The following SCHIP1 variants were observed in gnomAD, a reference collection of about 807,000 sequenced individuals.
SCHIP1 encodes the protein schwannomin-interacting protein 1.
In SCHIP1, 8 loss-of-function variants were observed where a neutral mutation model predicts 29.7. The observed-to-expected ratio is 0.27, with a 90% CI of 0.16 to 0.49. The LOEUF (loss-of-function observed/expected upper bound fraction) is 0.49, where lower values mean the gene tolerates loss of function less well. SCHIP1 is among the 20% of genes least tolerant of loss of function. SCHIP1 has a pLI of 0.99. For missense variants in SCHIP1, 193 were observed against 294.6 expected (o/e 0.66, Z 2.52); for synonymous variants, 76 against 94.9 (o/e 0.80, Z 1.16).
the SCHIP1 span, among the ~76,000 whole-genome samples, chr3:159,390,542 G>T: frequency 1.4e-3 from 217 of 151,952 alleles, no homozygotes; most frequent in African/African-American, 5.0e-3. Flanking sequence ...AAAAATTGAG[G>T]CATTCTAGTG....
chr3:159,751,230 A>G, the SCHIP1 span, among the ~76,000 whole-genome samples: 2 of 152,208 alleles, frequency 1.3e-5, no homozygotes, highest in African/African-American at 4.8e-5. Flanking sequence ...TTTACTCTTT[A>G]TGGCCTGAGA....
the SCHIP1 span, among the ~76,000 whole-genome samples, chr3:159,586,219 A>G: frequency 1.7e-3 from 259 of 152,188 alleles, 3 homozygotes; most frequent in Non-Finnish European, 2.5e-4. Context: ...AGGGATGTCT[A>G]TTTCTCCAGC....
At chr3:159,328,057 C>A in the SCHIP1 span, among the ~76,000 whole-genome samples, 1 of 152,168 alleles carries the variant, frequency 6.6e-6, no homozygotes, top group Non-Finnish European at 1.5e-5. Context: ...GTCCCAGATC[C>A]TTTATAGCCT....
chr3:159,837,986 C>T (rs571060639), upstream of SCHIP1, among the ~76,000 whole-genome samples: 24 of 152,290 alleles, frequency 1.6e-4, no homozygotes, highest in South Asian at 5.0e-3. Flanking sequence ...CCACCCCTCT[C>T]CTGGACTAGG....
the SCHIP1 span, among the ~76,000 whole-genome samples, chr3:159,487,092 A>G: frequency 3.9e-3 from 584 of 148,762 alleles, 2 homozygotes; most frequent in African/African-American, 0.013. Context: ...GCTTCAGAAG[A>G]TGGCTTTGCA....
chr3:159,612,475 G>A, the SCHIP1 span, among the ~76,000 whole-genome samples: 31 of 152,144 alleles, frequency 2.0e-4, no homozygotes, highest in Admixed American at 7.9e-4. Flanking sequence ...GGACATGCGC[G>A]GTGGCTCACT....
chr3:159,321,465 G>A, the SCHIP1 span, among the ~76,000 whole-genome samples: 1 of 152,146 alleles, frequency 6.6e-6, no homozygotes, highest in Non-Finnish European at 1.5e-5. Flanking sequence ...AGCAGATTCT[G>A]TTAAGATAAA....
At chr3:159,372,750 T>G in the SCHIP1 span, among the ~76,000 whole-genome samples, 18,813 of 152,044 alleles carry the variant, frequency 0.12, 1,308 homozygotes, top group African/African-American at 0.15. Context: ...AGTAATAATA[T>G]TTTTTGCATG....
chr3:159,666,382 AT>A, the SCHIP1 span, among the ~76,000 whole-genome samples: 1 of 152,186 alleles, frequency 6.6e-6, no homozygotes, highest in Non-Finnish European at 1.5e-5. Context: ...GCTATACAAA[AT>A]TTTCTATAAC....
the SCHIP1 span, among the ~76,000 whole-genome samples, chr3:159,324,603 A>G: frequency 6.6e-6 from 1 of 152,158 alleles, no homozygotes; most frequent in Non-Finnish European, 1.5e-5. Context: ...CTCTGGAATT[A>G]TTACCTTAAA....
At chr3:159,390,606 A>G in the SCHIP1 span, among the ~76,000 whole-genome samples, 121,791 of 152,016 alleles carry the variant, frequency 0.8, 48,989 homozygotes, top group Middle Eastern at 0.83. Context: ...GAAAGTTAAC[A>G]TATTAAGAAT....
the SCHIP1 span, among the ~76,000 whole-genome samples, chr3:159,675,334 A>C: frequency 6.6e-6 from 1 of 152,384 alleles, no homozygotes; most frequent in East Asian, 1.9e-4. Flanking sequence ...TTAAGAAAAA[A>C]TATAGCTACA....
chr3:159,526,305 A>T, the SCHIP1 span, among the ~76,000 whole-genome samples: 1 of 152,082 alleles, frequency 6.6e-6, no homozygotes, highest in African/African-American at 2.4e-5. Context: ...AGTAGCTGGG[A>T]CTATAGGGGT....
chr3:159,599,630 T>C, the SCHIP1 span, among the ~76,000 whole-genome samples: 31,248 of 152,190 alleles, frequency 0.21, 8,739 homozygotes, highest in African/African-American at 0.64. Context: ...ATATATACCA[T>C]ATTTTCTTTT....
chr3:159,706,116 T>C, the SCHIP1 span, among the ~76,000 whole-genome samples: 1 of 152,154 alleles, frequency 6.6e-6, no homozygotes, highest in Non-Finnish European at 1.5e-5. Flanking sequence ...ACACATAGCA[T>C]GGGTGGAGGG....
the SCHIP1 span, among the ~76,000 whole-genome samples, chr3:159,601,155 C>T: frequency 6.6e-6 from 1 of 152,114 alleles, no homozygotes; most frequent in African/African-American, 2.4e-5. Context: ...GTGTCTTGCT[C>T]CAGGTGCCTT....
chr3:159,721,709 T>G, the SCHIP1 span: 1 of 376,724 alleles, frequency 2.7e-6, no homozygotes, highest in Admixed American at 3.1e-5. Context: ...AAGTCGGTTG[T>G]GCAGCATATA....
rs896241709 is a variant in SCHIP1, at chr3:159,888,613, A to G, written c.466-207A>G. ...GAGTCAAAAAGCTTTTGATGCTGGT[A>G]GTGTTGTGTTTTGATGCCAGTTGCA... On this transcript the variant is annotated intron_variant, in intron 4 of 6. Transcript: ENST00000445224. The G allele has an allele frequency of 1.8e-5, 9 of 497,536 alleles. No individual in the cohort carries two copies. In the Admixed American group the frequency reaches 2.4e-4, roughly 13 times the overall value. The allele number at this position is 497,536 out of a possible 1,614,324, so 30.8% of individuals were successfully genotyped here.
the SCHIP1 span, among the ~76,000 whole-genome samples, chr3:159,795,277 G>T: frequency 6.6e-6 from 1 of 152,208 alleles, no homozygotes; most frequent in Non-Finnish European, 1.5e-5. Flanking sequence ...TAGTAGGGAA[G>T]ATAGGTCTCC....
Sources: gnomAD v4.1 joint callset for allele counts (sites outside exome capture counted in the v4.1 genomes callset) on GRCh38, gnomAD v4.1.1 for gene constraint, MANE v1.5 for transcripts, NCBI Gene and HGNC (gene_info 2026-07-23, HGNC 2026-07-21) for gene names.